Variants in NSUN6 observed in about 807,000 individuals in gnomAD.
NSUN6 encodes tRNA (cytosine(72)-C(5))-methyltransferase NSUN6.
In NSUN6, 64 loss-of-function variants were observed where a neutral mutation model predicts 58.0. The observed-to-expected ratio is 1.10, with a 90% CI of 0.90 to 1.36. The LOEUF is 1.36. NSUN6 is among the 40% of genes most tolerant of loss of function. NSUN6 has a pLI of 0.00. For missense variants in NSUN6, 701 were observed against 550.1 expected, an observed-to-expected ratio of 1.27 and a Z score of -2.74; for synonymous variants, 231 against 193.9, an observed-to-expected ratio of 1.19 and a Z score of -1.59.
chr10:18,550,421 A>G (rs6482516), intron 9 of NSUN6, among the ~76,000 whole-genome samples: 111,151 of 152,098 alleles, frequency 0.73, 40,867 homozygotes, highest in East Asian at 0.97. Flanking sequence ...CAGCTTTAGA[A>G]ACTAAATCAT....
chr10:18,608,473 T>C lies in NSUN6; in HGVS notation c.657+1372A>G, dbSNP rs898466725. On this transcript the variant is annotated intron_variant, in intron 6 of 10. Transcript: ENST00000377304. ...CAATACGGCAAAACCCCATCTCTAC[T>C]AAAAATACAAAAAATTAGCAGGGTG... 3.3e-5 allele frequency among the ~76,000 whole-genome samples: 5 copies of C among 151,710 alleles called. No individual in the cohort carries two copies. In the South Asian group the frequency reaches 1.0e-3, roughly 32 times the overall value.
intron 6 of NSUN6, among the ~76,000 whole-genome samples, chr10:18,604,128 G>A (rs186740041): frequency 7.2e-5 from 11 of 152,218 alleles, no homozygotes; most frequent in Non-Finnish European, 1.5e-4. Context: ...GCTGCAGTGA[G>A]CTGAGATCGT....
At chr10:18,622,032 C>T (rs1564813708) in intron 3 of NSUN6, among the ~76,000 whole-genome samples, 1 of 140,778 alleles carries the variant, frequency 7.1e-6, no homozygotes. Flanking sequence ...TATATATATA[C>T]GAATGACACA....
intron 4 of NSUN6, among the ~76,000 whole-genome samples, chr10:18,615,760 G>A (rs2058386933): frequency 6.6e-6 from 1 of 152,160 alleles, no homozygotes; most frequent in South Asian, 2.1e-4. Context: ...CTAAGCATAT[G>A]CAACACAGGT....
At chr10:18,554,923 G>A (rs994932991) in intron 8 of NSUN6, among the ~76,000 whole-genome samples, 2 of 143,282 alleles carry the variant, frequency 1.4e-5, no homozygotes, top group African/African-American at 5.1e-5. Flanking sequence ...GAAACGGAAT[G>A]GAATCAAGAA....
chr10:18,626,521 A>T (rs1293571024), intron 3 of NSUN6, among the ~76,000 whole-genome samples: 1 of 152,258 alleles, frequency 6.6e-6, no homozygotes, highest in East Asian at 1.9e-4. Context: ...TAATCCCAGC[A>T]CTTTAGGAGG....
chr10:18,608,565 G>A (rs1035286595), intron 6 of NSUN6, among the ~76,000 whole-genome samples: 7 of 150,160 alleles, frequency 4.7e-5, no homozygotes, highest in Admixed American at 2.7e-4. Context: ...CCTGAGCCTG[G>A]GAGGTCAAGG....
At chr10:18,561,945 A>T (rs1376173487) in intron 8 of NSUN6, among the ~76,000 whole-genome samples, 1 of 150,034 alleles carries the variant, frequency 6.7e-6, no homozygotes, top group African/African-American at 2.5e-5. Context: ...TGGAGAATGG[A>T]AAAGAGTGGA....
intron 9 of NSUN6, 101 bp downstream of exon 9, chr10:18,551,722 T>C (rs2054615188): frequency 1.9e-5 from 18 of 928,700 alleles, no homozygotes; most frequent in Non-Finnish European, 2.8e-5. Flanking sequence ...TCCCACCTTT[T>C]GGCTATTGTA....
intron 3 of NSUN6, among the ~76,000 whole-genome samples, chr10:18,634,791 A>G (rs1255971231): frequency 6.6e-6 from 1 of 151,982 alleles, no homozygotes; most frequent in Non-Finnish European, 1.5e-5. Context: ...AACAAAAAAC[A>G]AACGAATGCA....
intron 3 of NSUN6, among the ~76,000 whole-genome samples, chr10:18,622,305 G>A (rs1363589556): frequency 1.3e-5 from 2 of 152,166 alleles, no homozygotes; most frequent in Non-Finnish European, 2.9e-5. Context: ...CTGCATCGCA[G>A]AAGAGGGCAC....
intron 2 of NSUN6, among the ~76,000 whole-genome samples, chr10:18,645,535 T>A (rs1237918176): frequency 2.0e-5 from 3 of 152,228 alleles, no homozygotes; most frequent in Admixed American, 6.5e-5. Flanking sequence ...GGTTAATCCA[T>A]ACTGTAGCAT....
At chr10:18,575,440 A>C (rs1264778263) in intron 8 of NSUN6, among the ~76,000 whole-genome samples, 1 of 152,214 alleles carries the variant, frequency 6.6e-6, no homozygotes, top group Non-Finnish European at 1.5e-5. Context: ...TGCGACAGCC[A>C]ATAATGTAGT....
intron 8 of NSUN6, among the ~76,000 whole-genome samples, chr10:18,574,159 A>C (rs2056533198): frequency 6.6e-6 from 1 of 152,114 alleles, no homozygotes; most frequent in Admixed American, 6.6e-5. Context: ...CAAATGTCTT[A>C]GACCCAGTCA....
chr10:18,643,815 T>C (rs2059458152), intron 2 of NSUN6, among the ~76,000 whole-genome samples: 2 of 152,186 alleles, frequency 1.3e-5, no homozygotes, highest in Non-Finnish European at 2.9e-5. Flanking sequence ...ATTTAGACTA[T>C]AGAAATATCT....
chr10:18,628,512 G>C lies in NSUN6; in HGVS notation c.312-12219C>G, dbSNP rs147591202. On this transcript the variant is annotated intron_variant, in intron 3 of 10. Coordinates refer to ENST00000377304, the MANE Select transcript of NSUN6 (RefSeq NM_182543.5). ...ATTGAAGTTGAAAACTTTGAAAAAA[G>C]TTTAGAAGAATCTATAACTAGAATA... is the stretch of plus-strand genomic sequence containing the variant. 4.3e-3 allele frequency among the ~76,000 whole-genome samples: 660 copies of C among 152,186 alleles called. 7 individuals are homozygous for C. The highest frequency in any genetic ancestry group is 0.015 in the African/African-American group (628 of 41,528).
chr10:18,652,414 CTCTT>C, upstream of NSUN6: 1 of 984,736 alleles, frequency 1.0e-6, no homozygotes, highest in Non-Finnish European at 1.2e-6. Context: ...TTGTTTTTTT[CTCTT>C]TAATTTTCAC....
At chr10:18,626,277 T>A (rs1317419663) in intron 3 of NSUN6, among the ~76,000 whole-genome samples, 1 of 150,298 alleles carries the variant, frequency 6.7e-6, no homozygotes, top group African/African-American at 2.4e-5. Context: ...TGGTGGCTCC[T>A]GCTTGTAATC....
chr10:18,640,207 A>G (rs1274758211), intron 3 of NSUN6, among the ~76,000 whole-genome samples: 1 of 152,226 alleles, frequency 6.6e-6, no homozygotes, highest in Non-Finnish European at 1.5e-5. Context: ...ATGAGTACAC[A>G]TGATTACGCA....
Sources: allele counts gnomAD v4.1 joint callset (sites outside exome capture counted in the v4.1 genomes callset), GRCh38; gene constraint gnomAD v4.1.1; transcripts MANE v1.5; gene names NCBI Gene and HGNC (gene_info 2026-07-23, HGNC 2026-07-21).